The following KCNK3 variants were observed in gnomAD, a reference collection of about 807,000 sequenced individuals.
KCNK3 encodes potassium channel subfamily K member 3.
In KCNK3, 9 loss-of-function variants were observed where a neutral mutation model predicts 27.3. That is an observed-to-expected ratio of 0.33 (90% CI 0.20 to 0.57). The LOEUF (loss-of-function observed/expected upper bound fraction) is 0.57. Among genes scored for constraint, KCNK3 ranks in the 20% least tolerant of loss-of-function variants. The pLI is 0.87. For synonymous variants in KCNK3, 278 were observed against 273.8 expected (o/e 1.02, Z -0.15); for missense variants, 391 against 577.7 (o/e 0.68, Z 3.31).
rs747301305 is a variant in KCNK3 at position 26,728,361 on chromosome 2, C to G, written c.978C>G (p.Pro326=). Residue 326 remains proline (P), a synonymous_variant, in exon 2 of 2, where the codon CCC becomes CCG. Transcript: ENST00000302909. ...KSREKLQYSI[P]MIIPRDLSTS... ...GCGAGAAGCTGCAGTACTCCATCCC[C>G]ATGATCATCCCGCGGGACCTCTCCA... 9.3e-6 allele frequency: 15 copies of G among 1,607,638 alleles called. No homozygotes were observed. Among genetic ancestry groups the G allele is most frequent in the Non-Finnish European group, 1.0e-5 (12 of 1,177,458 alleles).
chr2:26,704,890 T>C (rs2148258246), intron 1 of KCNK3, among the ~76,000 whole-genome samples: 1 of 152,366 alleles, frequency 6.6e-6, no homozygotes, highest in East Asian at 1.9e-4. Context: ...ATCAGGAGGT[T>C]ACTCTGGACT....
intron 1 of KCNK3, among the ~76,000 whole-genome samples, chr2:26,713,193 G>A (rs946500491): frequency 1.3e-5 from 2 of 152,226 alleles, no homozygotes; most frequent in African/African-American, 4.8e-5. Context: ...GACTGCGAAA[G>A]GAGGAGGCAG....
At chr2:26,704,067 T>C (rs1670340258) in intron 1 of KCNK3, among the ~76,000 whole-genome samples, 1 of 152,160 alleles carries the variant, frequency 6.6e-6, no homozygotes, top group South Asian at 2.1e-4. Context: ...GTGGGTGCCC[T>C]GTGATTCCAG....
chr2:26,723,148 G>C (rs1415058730), intron 1 of KCNK3, among the ~76,000 whole-genome samples: 1 of 152,200 alleles, frequency 6.6e-6, no homozygotes, highest in Non-Finnish European at 1.5e-5. Flanking sequence ...GCCAAGCCCA[G>C]TCCAGCCAAG....
intron 1 of KCNK3, chr2:26,724,370 C>T (rs1558603336): frequency 6.5e-6 from 1 of 153,184 alleles, no homozygotes; most frequent in Non-Finnish European, 1.5e-5. Context: ...GCCTCCCGGC[C>T]TGGTCGCCCT....
At chr2:26,713,157 G>C (rs1253821195) in intron 1 of KCNK3, among the ~76,000 whole-genome samples, 2 of 152,212 alleles carry the variant, frequency 1.3e-5, no homozygotes, top group African/African-American at 4.8e-5. Context: ...ATGGTGGTGA[G>C]GGCAGAAGAT....
At chr2:26,724,930 G>A (rs1403680983) in intron 1 of KCNK3, among the ~76,000 whole-genome samples, 5 of 152,094 alleles carry the variant, frequency 3.3e-5, no homozygotes, top group Admixed American at 2.6e-4. Flanking sequence ...GGCTAAGGAC[G>A]GGTCTCTGGG....
At chr2:26,724,487 T>G (rs774194149) in intron 1 of KCNK3, 13 of 590,750 alleles carry the variant, frequency 2.2e-5, no homozygotes, top group Non-Finnish European at 2.8e-5. Context: ...TGACACCAAC[T>G]GTAATATGAA....
intron 1 of KCNK3, among the ~76,000 whole-genome samples, chr2:26,708,466 G>C (rs1475895419): frequency 6.6e-6 from 1 of 152,144 alleles, no homozygotes; most frequent in African/African-American, 2.4e-5. Context: ...CTGAGGTCAG[G>C]AGTTTGAGAC....
At chr2:26,695,085 T>C (rs1315744466) in intron 1 of KCNK3, among the ~76,000 whole-genome samples, 1 of 152,226 alleles carries the variant, frequency 6.6e-6, no homozygotes, top group Non-Finnish European at 1.5e-5. Context: ...TCTCCATACC[T>C]GGCTCCAACC....
chr2:26,716,053 G>A (rs1028355487), intron 1 of KCNK3, among the ~76,000 whole-genome samples: 2 of 152,246 alleles, frequency 1.3e-5, no homozygotes, highest in African/African-American at 2.4e-5. Flanking sequence ...GGCCCAGAGA[G>A]GGGCAGCGTC....
Position 26,713,945 on chromosome 2 carries a change from G to C in KCNK3, c.284-13722G>C, listed in dbSNP as rs1463206674. Among the ~76,000 whole-genome samples the C allele has an allele frequency of 2.0e-5, 3 of 150,782 alleles. No individual in the cohort carries two copies. The South Asian group carries it at 6.3e-4, about 32-fold the overall frequency. ...ACAAAAATTATCCAGGCGTGGTAGTGGGCACCTGTAATCCCAGCTACTCTG... is the reference window on the plus strand; with the variant it reads ...ACAAAAATTATCCAGGCGTGGTAGTCGGCACCTGTAATCCCAGCTACTCTG... On this transcript the variant is annotated intron_variant, in intron 1 of 1. Coordinates refer to ENST00000302909, the MANE Select transcript of KCNK3 (RefSeq NM_002246.3).
At chr2:26,708,945 T>C (rs1663049757) in intron 1 of KCNK3, among the ~76,000 whole-genome samples, 1 of 152,008 alleles carries the variant, frequency 6.6e-6, no homozygotes, top group South Asian at 2.1e-4. Context: ...ACAGAGCTTG[T>C]GGGTGGATTG....
intron 1 of KCNK3, among the ~76,000 whole-genome samples, chr2:26,705,409 C>T (rs1278857276): frequency 6.6e-6 from 1 of 152,158 alleles, no homozygotes; most frequent in Admixed American, 6.5e-5. Context: ...CTCATATCAA[C>T]CCCAAGGTGT....
chr2:26,725,326 G>A (rs1357953653), intron 1 of KCNK3, among the ~76,000 whole-genome samples: 2 of 152,220 alleles, frequency 1.3e-5, no homozygotes, highest in Non-Finnish European at 2.9e-5. Context: ...GCTCTGGCGG[G>A]CAGCGAGGGT....
intron 1 of KCNK3, among the ~76,000 whole-genome samples, chr2:26,694,201 G>C (rs1670206426): frequency 6.6e-6 from 1 of 152,162 alleles, no homozygotes; most frequent in African/African-American, 2.4e-5. Context: ...AGACAAGGAG[G>C]GGTGGCCAAA....
At chr2:26,705,267 G>C (rs1451645210) in intron 1 of KCNK3, among the ~76,000 whole-genome samples, 1 of 152,180 alleles carries the variant, frequency 6.6e-6, no homozygotes, top group Non-Finnish European at 1.5e-5. Context: ...CCTGGAGACA[G>C]TATTATTATC....
chr2:26,728,376 G>A lies in KCNK3; in HGVS notation c.993G>A (p.Arg331=). 6.2e-7 allele frequency: 1 copy of A among 1,607,968 alleles called. No homozygotes were observed. The stretch of plus-strand genomic sequence containing the variant: ...ACTCCATCCCCATGATCATCCCGCG[G>A]GACCTCTCCACGTCCGACACGTGCG... ...LQYSIPMIIP[R]DLSTSDTCVE... is the part of the protein sequence containing the mutation. Residue 331 remains arginine, a synonymous_variant, in exon 2 of 2, where the codon CGG becomes CGA. Transcript: ENST00000302909.
chr2:26,704,712 T>A (rs556803101), intron 1 of KCNK3, among the ~76,000 whole-genome samples: 24 of 152,284 alleles, frequency 1.6e-4, no homozygotes, highest in Admixed American at 7.2e-4. Flanking sequence ...CCCTGGGGCT[T>A]TGGGGGCAGG....
Sources: allele counts gnomAD v4.1 joint callset (sites outside exome capture counted in the v4.1 genomes callset), GRCh38; gene constraint gnomAD v4.1.1; transcripts MANE v1.5; gene names NCBI Gene and HGNC (gene_info 2026-07-23, HGNC 2026-07-21).